TSC2: variants seen among roughly 807,000 people sequenced by gnomAD.
TSC2 encodes the protein TSC complex subunit 2.
Under a neutral mutation model 202.2 loss-of-function variants are expected in TSC2, and 29 were observed. That is an observed-to-expected ratio of 0.14 (90% CI 0.11 to 0.20). TSC2 has a LOEUF of 0.20. Ranked by LOEUF, TSC2 falls within the 10% of genes least tolerant of loss-of-function variation. The probability of loss-of-function intolerance (pLI) is 1.00; values close to 1 mark genes in which losing one functional copy is unlikely to be tolerated. For synonymous variants in TSC2, 1,349 were observed against 1,044.0 expected (o/e 1.29, Z -5.63); for missense variants, 2,429 against 2,420.0 (o/e 1.00, Z -0.08).
chr16:2,074,348 C>T lies in TSC2; in HGVS notation c.2504C>T (p.Ala835Val), dbSNP rs761588986. Residue 835 changes from alanine to valine, a missense_variant, in exon 22 of 42, where the codon GCC becomes GTC. Transcript: ENST00000219476. ...VLVVKLTHIS[A>V]TASMAVPLLE... ...GTGGTGAAGCTCACGCACATCTCAG[C>T]CACAGCCAGCATGGCCGTCCCACTG... The T allele has an allele frequency of 1.2e-6, 2 of 1,612,532 alleles. No individual in the cohort carries two copies. The highest frequency in any genetic ancestry group is 1.1e-5 in the South Asian group (1 of 91,086).
intron 17 of TSC2, among the ~76,000 whole-genome samples, chr16:2,070,919 G>A (rs559421105): frequency 3.6e-4 from 55 of 152,260 alleles, no homozygotes; most frequent in South Asian, 1.5e-3. Flanking sequence ...GCAGGTGGGC[G>A]GCACAGGGCA....
intron 1 of TSC2, 59 bp downstream of exon 1, chr16:2,048,124 G>C (rs2084578491): frequency 6.7e-7 from 1 of 1,499,600 alleles, no homozygotes; most frequent in Non-Finnish European, 8.9e-7. Context: ...GCCTAGAGAG[G>C]CGGACCCCGC....
At chr16:2,070,317 G>A (rs1191327408) in intron 16 of TSC2, 139 bp from the exon 17 acceptor site, 16 of 1,442,906 alleles carry the variant, frequency 1.1e-5, no homozygotes, top group East Asian at 7.1e-5. Flanking sequence ...AGTCCTGGTG[G>A]TCCTGGGTTT....
intron 19 of TSC2, 54 bp from the exon 20 acceptor site, chr16:2,072,187 G>T: frequency 6.2e-7 from 1 of 1,611,528 alleles, no homozygotes; most frequent in Non-Finnish European, 8.5e-7. Context: ...GCTAGCTTCC[G>T]CCTCTGTCTC....
At position 2,088,667 on chromosome 16, in the gene TSC2, AATAAAGTCCTGACCCCAGTGCACAGAC is replaced by A. The variant is rs1423276808; in HGVS notation, c.*61_*87del. Reference sequence around the variant, plus strand: ...GACGGTATTGCCTGTCAGTGAAATAAATAAAGTCCTGACCCCAGTGCACAGACATAGAGGCACAGATTGCAGTCAGAC... The same window carrying A: ...GACGGTATTGCCTGTCAGTGAAATAAATAGAGGCACAGATTGCAGTCAGAC... On this transcript the variant is annotated 3_prime_UTR_variant, in exon 42 of 42. Transcript: ENST00000219476. 1.7e-5 allele frequency: 27 copies of A among 1,554,174 alleles called. No homozygotes were observed. Among genetic ancestry groups the A allele is most frequent in the African/African-American group, 2.7e-5 (2 of 73,380 alleles).
chr16:2,081,776 T>C lies in TSC2; in HGVS notation c.3792T>C (p.Pro1264=), dbSNP rs763855971. 1 of 1,612,414 alleles carries C rather than the reference T, an allele frequency of 6.2e-7. No individual in the cohort carries two copies. Residue 1264 remains proline (P), a synonymous_variant, in exon 31 of 42, where the codon CCT becomes CCC. Coordinates refer to ENST00000219476, the MANE Select transcript of TSC2 (RefSeq NM_000548.5). The part of the protein sequence containing the change: ...SVPAASTAKP[P]PLPRSNTVAS... ...CGGCAGCCAGCACGGCCAAACCCCCTCCTCTGCCTCGCTCCAACACAGGTG... is the reference window on the plus strand; with the variant it reads ...CGGCAGCCAGCACGGCCAAACCCCCCCCTCTGCCTCGCTCCAACACAGGTG...
In TSC2 at chr16:2,061,788, C is replaced by T. The variant is rs565961257; in HGVS notation, c.1120-83C>T. The T allele has an allele frequency of 2.2e-5, 35 of 1,607,364 alleles. No individual in the cohort carries two copies. The East Asian group carries it at 3.1e-4, about 14-fold the overall frequency. On this transcript the variant is annotated intron_variant, in intron 11 of 41. Transcript: ENST00000219476. ...TGAGAGGGCTGAGGGTGTCTCCATG[C>T]GGTGGGTGTGTAGCGAGGCCTCTGG...
At chr16:2,048,264 C>A (rs773164488) in intron 1 of TSC2, 199 bp downstream of exon 1, 1 of 1,261,014 alleles carries the variant, frequency 7.9e-7, no homozygotes, top group South Asian at 1.3e-5. Context: ...ACAGCTCCTG[C>A]TTCACATGGG....
At position 2,078,711 on chromosome 16, in the gene TSC2, C is replaced by G. The variant is rs1169471095; in HGVS notation, c.2967-321C>G. The G allele has an allele frequency of 9.1e-5, 39 of 430,124 alleles. 1 individual carries two copies. The East Asian group carries it at 1.7e-3, about 19-fold the overall frequency. The allele number at this position is 430,124 out of a possible 1,614,324, so 26.6% of individuals were successfully genotyped here. Reference sequence around the variant, plus strand: ...GGGCCTGTCTGTGTGGCCTCCGCCTCTCTGCATGACTACACCGTTTCGCCA... The same window carrying G: ...GGGCCTGTCTGTGTGGCCTCCGCCTGTCTGCATGACTACACCGTTTCGCCA... On this transcript the variant is annotated intron_variant, in intron 26 of 41. Transcript: ENST00000219476.
At position 2,080,156 on chromosome 16, in the gene TSC2, C is replaced by T. The variant is rs555194713; in HGVS notation, c.3398-9C>T. The T allele has an allele frequency of 6.2e-6, 10 of 1,612,914 alleles. No homozygotes were observed. The Admixed American group carries it at 8.3e-5, about 13-fold the overall frequency. On this transcript the variant is annotated splice_polypyrimidine_tract_variant and intron_variant, in intron 29 of 41. Coordinates refer to ENST00000219476, the MANE Select transcript of TSC2 (RefSeq NM_000548.5). ...GTGGTGGTCACCAGTCCTCTGCCCT[C>T]TTCTTCAGGGGGCCATGGTCTTCGA... is the stretch of plus-strand genomic sequence containing the variant.
chr16:2,058,341 C>T (rs950278387), intron 9 of TSC2, among the ~76,000 whole-genome samples: 4 of 152,350 alleles, frequency 2.6e-5, no homozygotes, highest in African/African-American at 2.4e-5. Flanking sequence ...GAGGTCTTAG[C>T]GTGGTCACTG....
intron 36 of TSC2, among the ~76,000 whole-genome samples, 179 bp from the exon 37 acceptor site, chr16:2,086,012 AAG>A (rs1482744641): frequency 2.0e-5 from 3 of 152,014 alleles, no homozygotes; most frequent in African/African-American, 7.3e-5. Flanking sequence ...GGGCTGAGGG[AAG>A]AGAGGGAGTC....
intron 22 of TSC2, among the ~76,000 whole-genome samples, 167 bp from the exon 23 acceptor site, chr16:2,075,632 C>A (rs2089216359): frequency 6.6e-6 from 1 of 152,010 alleles, no homozygotes; most frequent in East Asian, 1.9e-4. Context: ...GTTGGCTGGC[C>A]ATGGGACCGA....
At chr16:2,082,363 C>T in intron 31 of TSC2, 73 bp from the exon 32 acceptor site, 2 of 1,549,524 alleles carry the variant, frequency 1.3e-6, no homozygotes, top group Non-Finnish European at 8.9e-7. Flanking sequence ...AGGCACGGGG[C>T]CTGTGCTCTC....
intron 7 of TSC2, 98 bp downstream of exon 7, chr16:2,056,342 TAGC>T (rs1371117923): frequency 1.3e-6 from 2 of 1,526,206 alleles, no homozygotes; most frequent in Admixed American, 3.5e-5. Flanking sequence ...GCTGGCTGTG[TAGC>T]CCTGGGCAAG....
chr16:2,060,310 C>G (rs533332933), intron 10 of TSC2, among the ~76,000 whole-genome samples: 55 of 152,330 alleles, frequency 3.6e-4, no homozygotes, highest in African/African-American at 1.2e-3. Context: ...CTGCTACCCC[C>G]CTCCCCGTAG....
At chr16:2,083,100 G>C (rs1304141716) in intron 32 of TSC2, 2 of 455,144 alleles carry the variant, frequency 4.4e-6, no homozygotes, top group African/African-American at 4.0e-5. Context: ...GCGTGTGCAG[G>C]GCTGTGGGGC....
chr16:2,066,327 G>A (rs2087350533), intron 16 of TSC2: 1 of 152,638 alleles, frequency 6.6e-6, no homozygotes, highest in Admixed American at 6.5e-5. Context: ...TCCAGGCTGT[G>A]GCAGCTGTTG....
chr16:2,050,411 G>A lies in TSC2; in HGVS notation c.150G>A (p.Met50Ile). The change falls in exon 3 of 42, where the codon ATG becomes ATA. Residue 50 changes from methionine to isoleucine, a missense_variant. Met to Ile is a conservative substitution (Grantham distance 10). Transcript: ENST00000219476. ...ITAEILRELS[M>I]ECGLNNRIRM... Reference sequence around the variant, plus strand: ...TCATCTCTCTCCAGGAACTGAGCATGGAATGTGGCCTCAACAATCGCATCC... The same window carrying A: ...TCATCTCTCTCCAGGAACTGAGCATAGAATGTGGCCTCAACAATCGCATCC... 6.2e-7 allele frequency: 1 copy of A among 1,613,854 alleles called. No individual in the cohort carries two copies. Among genetic ancestry groups the A allele is most frequent in the South Asian group, 1.1e-5 (1 of 91,078 alleles).
Sources: gnomAD v4.1 joint callset for allele counts (sites outside exome capture counted in the v4.1 genomes callset) on GRCh38, gnomAD v4.1.1 for gene constraint, MANE v1.5 for transcripts, NCBI Gene and HGNC (gene_info 2026-07-23, HGNC 2026-07-21) for gene names.